Variants in ST8SIA6 observed in about 807,000 individuals in gnomAD.
ST8SIA6 encodes the protein ST8 alpha-N-acetyl-neuraminide alpha-2,8-sialyltransferase 6.
In ST8SIA6, 39 loss-of-function variants were observed where a neutral mutation model predicts 33.6. The observed-to-expected ratio is 1.16, with a 90% CI of 0.90 to 1.52. The LOEUF is 1.52. Among genes scored for constraint, ST8SIA6 ranks in the 40% most tolerant of loss-of-function variants. The probability of loss-of-function intolerance (pLI) is 0.00; values close to 1 mark genes in which losing one functional copy is unlikely to be tolerated. For missense variants in ST8SIA6, 441 were observed against 443.8 expected (o/e 0.99, Z 0.06); for synonymous variants, 172 against 167.2 (o/e 1.03, Z -0.22).
intron 4 of ST8SIA6, among the ~76,000 whole-genome samples, chr10:17,355,111 A>G (rs150618577): frequency 1.2e-3 from 181 of 152,324 alleles, no homozygotes; most frequent in African/African-American, 3.7e-3. Context: ...GAGAAGCCCT[A>G]TCTCTTACAA....
Position 17,453,608 on chromosome 10 carries a change from G to A in ST8SIA6, c.151C>T (p.Leu51=). The A allele has an allele frequency of 7.5e-7, 1 of 1,331,772 alleles. No individual in the cohort carries two copies. The highest frequency in any genetic ancestry group is 9.7e-7 in the Non-Finnish European group (1 of 1,033,470). The allele number at this position is 1,331,772 out of a possible 1,614,324, so 82.5% of individuals were successfully genotyped here. A position where few individuals can be genotyped will look rare whatever the true frequency, so the allele number is the denominator to read the frequency against. ...REATHGTPAA[L]RTLRSPATAV... ...GTCGCCGGGCTCCGGAGCGTCCTCA[G>A]CGCTGCGGGGGTGCCGTGGGTGGCC... Residue 51 remains leucine, a synonymous_variant, in exon 2 of 8, where the codon CTG becomes TTG. Transcript: ENST00000377602.
At chr10:17,411,172 T>TG (rs111304407) in intron 2 of ST8SIA6, among the ~76,000 whole-genome samples, 2 of 149,954 alleles carry the variant, frequency 1.3e-5, no homozygotes, top group African/African-American at 4.9e-5. Flanking sequence ...CTTGAACTCT[T>TG]TGTGTGTGTG....
intron 3 of ST8SIA6, among the ~76,000 whole-genome samples, chr10:17,373,008 A>G (rs1360244599): frequency 3.3e-5 from 5 of 152,324 alleles, no homozygotes; most frequent in Non-Finnish European, 7.4e-5. Context: ...AAAGTTACCT[A>G]CAGATCGAGG....
rs1159134188 is a variant in ST8SIA6 at position 17,318,077 on chromosome 10, A to G, written c.*2801T>C. 1.3e-5 allele frequency among the ~76,000 whole-genome samples: 2 copies of G among 152,226 alleles called. No individual in the cohort carries two copies. Among genetic ancestry groups the G allele is most frequent in the East Asian group, 3.8e-4 (2 of 5,200 alleles). On this transcript the variant is annotated 3_prime_UTR_variant, in exon 8 of 8. Transcript: ENST00000377602. ...TTGCCTTTGGATTTGGCTGAAAATT[A>G]TATTGGAATCTTGTTATTCTGTTTC...
intron 3 of ST8SIA6, among the ~76,000 whole-genome samples, chr10:17,360,789 G>A (rs972682808): frequency 6.6e-6 from 1 of 151,984 alleles, no homozygotes; most frequent in Non-Finnish European, 1.5e-5. Flanking sequence ...CAAACAGCAA[G>A]ATGGCAGATT....
At chr10:17,412,895 T>C (rs1444098168) in intron 2 of ST8SIA6, among the ~76,000 whole-genome samples, 1 of 152,258 alleles carries the variant, frequency 6.6e-6, no homozygotes, top group Non-Finnish European at 1.5e-5. Flanking sequence ...CCAAGTATAC[T>C]GATTTGATAT....
intron 6 of ST8SIA6, among the ~76,000 whole-genome samples, chr10:17,326,502 A>C (rs1236142292): frequency 1.3e-5 from 2 of 152,224 alleles, no homozygotes; most frequent in African/African-American, 2.4e-5. Context: ...AAGCTGTACA[A>C]ATTTGTTTTT....
rs919248902 is a variant in ST8SIA6, at chr10:17,405,919, C to G, written c.201-15299G>C. Among the ~76,000 whole-genome samples the G allele has an allele frequency of 4.6e-5, 7 of 151,514 alleles. No individual in the cohort carries two copies. The South Asian group carries it at 6.3e-4, about 14-fold the overall frequency. ...AAAAAAAAAGAAGAAAGTTATTTAG[C>G]CCTTCTATGATTTCAGCTTCCTCAG... is the stretch of plus-strand genomic sequence containing the variant. On this transcript the variant is annotated intron_variant, in intron 2 of 7. Coordinates refer to ENST00000377602, the MANE Select transcript of ST8SIA6 (RefSeq NM_001004470.3).
At chr10:17,443,961 A>G (rs2131741154) in intron 2 of ST8SIA6, among the ~76,000 whole-genome samples, 1 of 152,318 alleles carries the variant, frequency 6.6e-6, no homozygotes. Context: ...GAATCGCTGC[A>G]CCTTGCAAAA....
At chr10:17,368,407 C>CAAAAAAAAAAAAAAAAAAAAAAAA (rs200826980) in intron 3 of ST8SIA6, among the ~76,000 whole-genome samples, 5 of 72,194 alleles carry the variant, frequency 6.9e-5, no homozygotes, top group South Asian at 4.5e-4. Flanking sequence ...AGCTCTGTCT[C>CAAAAAAAAAAAAAAAAAAAAAAAA]AAAAAAAAAA....
At chr10:17,367,436 C>T (rs1849590745) in intron 3 of ST8SIA6, among the ~76,000 whole-genome samples, 2 of 152,090 alleles carry the variant, frequency 1.3e-5, no homozygotes, top group East Asian at 1.9e-4. Flanking sequence ...AGGTCCTTCC[C>T]ACAACACATG....
intron 4 of ST8SIA6, among the ~76,000 whole-genome samples, chr10:17,355,688 C>G (rs1272321032): frequency 6.6e-6 from 1 of 152,192 alleles, no homozygotes; most frequent in Non-Finnish European, 1.5e-5. Flanking sequence ...TTCCCTAAAA[C>G]AGTAAATTCA....
chr10:17,403,952 C>G (rs1390745975), intron 2 of ST8SIA6, among the ~76,000 whole-genome samples: 1 of 151,074 alleles, frequency 6.6e-6, no homozygotes, highest in Non-Finnish European at 1.5e-5. Flanking sequence ...TTAATCTCAG[C>G]TACTTGGGAG....
chr10:17,381,305 A>G (rs1233067166), intron 3 of ST8SIA6, among the ~76,000 whole-genome samples: 1 of 152,198 alleles, frequency 6.6e-6, no homozygotes, highest in Admixed American at 6.5e-5. Flanking sequence ...CTAGGGTTGT[A>G]AAACACATTA....
chr10:17,423,289 A>G (rs1380667832), intron 2 of ST8SIA6, among the ~76,000 whole-genome samples: 2 of 152,166 alleles, frequency 1.3e-5, no homozygotes, highest in Admixed American at 6.5e-5. Context: ...CCTAATAATT[A>G]ATTTCCTTGG....
At chr10:17,439,271 CTTTTTT>C (rs146928120) in intron 2 of ST8SIA6, among the ~76,000 whole-genome samples, 1 of 124,222 alleles carries the variant, frequency 8.1e-6, no homozygotes. Flanking sequence ...TCTTCCCTCT[CTTTTTT>C]TTTTTTTTTT....
intron 2 of ST8SIA6, chr10:17,410,016 G>T (rs981704603): frequency 5.3e-5 from 8 of 152,328 alleles, no homozygotes; most frequent in African/African-American, 1.9e-4. Flanking sequence ...CCAGGGAAAT[G>T]ATATACCATG....
intron 4 of ST8SIA6, among the ~76,000 whole-genome samples, chr10:17,355,336 T>A (rs1199015775): frequency 6.6e-6 from 1 of 152,174 alleles, no homozygotes; most frequent in Non-Finnish European, 1.5e-5. Context: ...AGATGCAGGA[T>A]TTCTCATTTG....
intron 2 of ST8SIA6, among the ~76,000 whole-genome samples, chr10:17,446,599 C>T (rs1471093635): frequency 1.3e-5 from 2 of 151,974 alleles, no homozygotes; most frequent in Admixed American, 6.6e-5. Context: ...TTTGAGAAGC[C>T]ATCCCAGAAA....
Sources: allele counts gnomAD v4.1 joint callset (sites outside exome capture counted in the v4.1 genomes callset), GRCh38; gene constraint gnomAD v4.1.1; transcripts MANE v1.5; gene names NCBI Gene and HGNC (gene_info 2026-07-23, HGNC 2026-07-21).